ACTN3: variants seen among roughly 807,000 people sequenced by gnomAD.
ACTN3 encodes the protein alpha-actinin-3.
ACTN3 carries 91 observed loss-of-function variants against 119.6 expected under a neutral mutation model. That is an observed-to-expected ratio of 0.76 (90% confidence interval 0.64 to 0.91). The LOEUF is 0.91. Among genes scored for constraint, ACTN3 ranks in the 40% least tolerant of loss-of-function variants. ACTN3 has a pLI of 0.00. For missense variants in ACTN3, 1,221 were observed against 1,215.1 expected (o/e 1.00, Z -0.07); for synonymous variants, 456 against 478.8 (o/e 0.95, Z 0.62).
upstream of ACTN3, chr11:66,546,806 A>AC (rs1162077281): frequency 1.3e-6 from 2 of 1,529,148 alleles, no homozygotes; most frequent in Non-Finnish European, 1.7e-6. Flanking sequence ...GAGCTCCTTC[A>AC]CCCCCATCCG....
At chr11:66,555,797 G>T (rs1008871740) in intron 7 of ACTN3, among the ~76,000 whole-genome samples, 2 of 152,238 alleles carry the variant, frequency 1.3e-5, no homozygotes, top group African/African-American at 4.8e-5. Context: ...TTCTTGCCCT[G>T]AGGAGCTTGT....
chr11:66,546,448 G>T (rs1857341086), upstream of ACTN3: 3 of 1,288,252 alleles, frequency 2.3e-6, no homozygotes, highest in South Asian at 2.8e-5. Context: ...CCATGCCCGG[G>T]TGTCTCCATC....
chr11:66,554,768 C>T, intron 5 of ACTN3, 145 bp downstream of exon 5: 1 of 688,800 alleles, frequency 1.5e-6, no homozygotes, highest in Non-Finnish European at 2.4e-6. Context: ...GGAACAGTGT[C>T]TGAAAAGAGG....
In ACTN3 at chr11:66,557,719, C is replaced by T. The variant is rs1309591540; in HGVS notation, c.918C>T (p.Arg306=). 8 of 1,612,628 alleles carry T rather than the reference C, an allele frequency of 5.0e-6. No homozygotes were observed. The highest frequency in any genetic ancestry group is 6.8e-6 in the Non-Finnish European group (8 of 1,179,440). Residue 306 remains arginine, a synonymous_variant, in exon 10 of 21, where the codon CGC becomes CGT. Transcript: ENST00000513398. ...GTCAGCTGCTGGAGTGGATCCGCCG[C>T]ACTGTCCCATGGCTGGAGAACCGTG... The part of the protein sequence containing the change: ...LASELLEWIR[R]TVPWLENRVG...
intron 14 of ACTN3, 103 bp downstream of exon 14, chr11:66,560,414 A>C: frequency 1.3e-6 from 2 of 1,496,562 alleles, no homozygotes; most frequent in Non-Finnish European, 8.9e-7. Flanking sequence ...ATGGGAGGAA[A>C]ACCCCAGTTC....
At position 66,562,799 on chromosome 11, in the gene ACTN3, G is replaced by C; in HGVS notation, c.2392G>C (p.Glu798Gln). The part of the protein sequence containing the change: ...CLISMGYDLG[E>Q]VEFARIMTMV... ...TGCCTGGCCTCTATCCCTGCAGGGG[G>C]AAGTGGAGTTTGCTCGCATCATGAC... is the stretch of plus-strand genomic sequence containing the variant. The change falls in exon 20 of 21, where the codon GAA becomes CAA. Residue 798 changes from glutamate to glutamine, a missense_variant. Transcript: ENST00000513398. 1 of 1,607,618 alleles carries C rather than the reference G, an allele frequency of 6.2e-7. No homozygotes were observed. The highest frequency in any genetic ancestry group is 8.5e-7 in the Non-Finnish European group (1 of 1,176,200).
At chr11:66,561,192 C>T (rs1857750806) in intron 15 of ACTN3, 35 bp from the exon 16 acceptor site, 1 of 1,498,016 alleles carries the variant, frequency 6.7e-7, no homozygotes. Flanking sequence ...TCCCAGCCCC[C>T]AGAGCTGGCT....
chr11:66,547,507 T>A (rs534412215), intron 1 of ACTN3, among the ~76,000 whole-genome samples: 5 of 151,900 alleles, frequency 3.3e-5, no homozygotes, highest in African/African-American at 1.2e-4. Flanking sequence ...GTGAGAAGGG[T>A]CCTCTCAGAC....
intron 5 of ACTN3, 165 bp downstream of exon 5, chr11:66,554,788 CTG>C (rs1331395587): frequency 5.9e-5 from 12 of 202,906 alleles, no homozygotes. Context: ...GGCTCAGTAA[CTG>C]TTGAGTGGAA....
At chr11:66,546,628 G>A (rs1857346780), upstream of ACTN3, 1 of 1,534,896 alleles carries the variant, frequency 6.5e-7, no homozygotes, top group Non-Finnish European at 8.7e-7. Flanking sequence ...TTCTATTGTG[G>A]AGAGGAGTAA....
Position 66,551,574 on chromosome 11 carries a change from A to C in ACTN3, c.309A>C (p.Lys103Asn), listed in dbSNP as rs373402473. 24 of 1,614,018 alleles carry C rather than the reference A, an allele frequency of 1.5e-5. 1 individual carries two copies. In the African/African-American group the frequency reaches 3.2e-4, roughly 22 times the overall value. Residue 103 changes from lysine (K) to asparagine (N), a missense_variant, in exon 3 of 21, where the codon AAA becomes AAC. Lys to Asn is a moderately conservative substitution (Grantham distance 94). Around this residue, in one of 3 missense-constraint regions of ACTN3, gnomAD observed 239 missense variants for 231.8 expected, o/e 1.03. Coordinates refer to ENST00000513398, the MANE Select transcript of ACTN3 (RefSeq NM_001104.4). The stretch of plus-strand genomic sequence containing the variant: ...ATAAAGGCAAGATGCGCTTCCACAA[A>C]ATCGCCAACGTTAACAAGGCCCTGG... ...RPDKGKMRFH[K>N]IANVNKALDF...
chr11:66,557,708 T>A lies in ACTN3; in HGVS notation c.907T>A (p.Trp303Arg), dbSNP rs1303288798. 1.2e-6 allele frequency: 2 copies of A among 1,610,192 alleles called. No homozygotes were observed. Among genetic ancestry groups the A allele is most frequent in the Non-Finnish European group, 1.7e-6 (2 of 1,178,496 alleles). Residue 303 changes from tryptophan (W) to arginine (R), a missense_variant, in exon 10 of 21, where the codon TGG becomes AGG. Physicochemically the swap from Trp to Arg is moderately radical, Grantham distance 101 (BLOSUM62 -3). Coordinates refer to ENST00000513398, the MANE Select transcript of ACTN3 (RefSeq NM_001104.4). ...TGCCTGGCCCTGTCAGCTGCTGGAG[T>A]GGATCCGCCGCACTGTCCCATGGCT... ...YEKLASELLE[W>R]IRRTVPWLEN...
chr11:66,562,753 CT>C, intron 19 of ACTN3, 42 bp from the exon 20 acceptor site: 3 of 1,557,772 alleles, frequency 1.9e-6, no homozygotes, highest in Non-Finnish European at 2.6e-6. Flanking sequence ...GCCCTCCTGG[CT>C]TTAGTGCTCA....
Position 66,559,952 on chromosome 11 carries a change from T to G in ACTN3, c.1428-16T>G. ...GCTGGGGCTGGCCCCACACTCGCCC[T>G]ACTTCTCGCTCCCAGTGAGCTGGAC... On this transcript the variant is annotated splice_polypyrimidine_tract_variant and intron_variant, in intron 12 of 20. Transcript: ENST00000513398. The G allele has an allele frequency of 6.3e-7, 1 of 1,579,508 alleles. No individual in the cohort carries two copies. The highest frequency in any genetic ancestry group is 8.6e-7 in the Non-Finnish European group (1 of 1,165,002).
At chr11:66,555,659 CT>C (rs1332739099) in intron 7 of ACTN3, among the ~76,000 whole-genome samples, 3 of 152,230 alleles carry the variant, frequency 2.0e-5, no homozygotes, top group Non-Finnish European at 2.9e-5. Context: ...GGCAGCTCCC[CT>C]GGGGCACGTC....
At chr11:66,550,844 CAGG>C (rs2134918303) in intron 1 of ACTN3, among the ~76,000 whole-genome samples, 1 of 152,248 alleles carries the variant, frequency 6.6e-6, no homozygotes, top group South Asian at 2.1e-4. Flanking sequence ...TGCTTGAGTC[CAGG>C]AGTTTTCAGA....
intron 15 of ACTN3, 120 bp downstream of exon 15, chr11:66,560,875 A>G (rs1857743417): frequency 8.8e-7 from 1 of 1,130,688 alleles, no homozygotes. Flanking sequence ...TCTGCCACAG[A>G]CTCCACGTGG....
intron 4 of ACTN3, 101 bp from the exon 5 acceptor site, chr11:66,554,435 T>A: frequency 1.1e-6 from 1 of 908,962 alleles, no homozygotes; most frequent in Non-Finnish European, 1.6e-6. Flanking sequence ...TCCAGTTGGA[T>A]GACATAGCAA....
At chr11:66,555,955 G>T (rs1242780759) in intron 7 of ACTN3, among the ~76,000 whole-genome samples, 190 bp from the exon 8 acceptor site, 1 of 152,188 alleles carries the variant, frequency 6.6e-6, no homozygotes, top group Non-Finnish European at 1.5e-5. Flanking sequence ...CCCCAAGGTG[G>T]GGAGATGGGG....
Sources: allele counts gnomAD v4.1 joint callset (sites outside exome capture counted in the v4.1 genomes callset), GRCh38; gene constraint gnomAD v4.1.1; regional missense constraint gnomAD v4.1.1; transcripts MANE v1.5; gene names NCBI Gene and HGNC (gene_info 2026-07-23, HGNC 2026-07-21).